Variants in CDC14B observed in about 807,000 individuals in gnomAD.
The protein encoded by CDC14B is cell division cycle 14B.
In CDC14B, 22 loss-of-function variants were observed where a neutral mutation model predicts 64.2. The observed-to-expected ratio is 0.34, with a 90% CI of 0.24 to 0.49. CDC14B has a LOEUF of 0.49. CDC14B is among the 20% of genes least tolerant of loss of function. The pLI is 0.99. For synonymous variants in CDC14B, 191 were observed against 215.8 expected (o/e 0.89, Z 1.01); for missense variants, 498 against 629.9 (o/e 0.79, Z 2.24).
intron 4 of CDC14B, among the ~76,000 whole-genome samples, chr9:96,555,951 T>TACA (rs1842450918): frequency 6.6e-6 from 1 of 152,036 alleles, no homozygotes; most frequent in Non-Finnish European, 1.5e-5. Flanking sequence ...GAACTAGCAG[T>TACA]GATGGAAGAA....
intron 1 of CDC14B, among the ~76,000 whole-genome samples, chr9:96,587,090 T>C (rs1845490503): frequency 1.3e-5 from 2 of 152,150 alleles, no homozygotes; most frequent in South Asian, 4.2e-4. Flanking sequence ...GGACAATCGC[T>C]TGAACCCAGG....
chr9:96,553,792 C>G (rs545550402), intron 4 of CDC14B, among the ~76,000 whole-genome samples: 8 of 152,146 alleles, frequency 5.3e-5, no homozygotes, highest in Non-Finnish European at 1.2e-4. Flanking sequence ...CTAACACTTA[C>G]CAGATAACAT....
chr9:96,545,749 C>T (rs1840726264), intron 5 of CDC14B, among the ~76,000 whole-genome samples: 1 of 151,610 alleles, frequency 6.6e-6, no homozygotes, highest in Admixed American at 6.6e-5. Context: ...TGGGGCACAG[C>T]CCCGCTCCAA....
intron 12 of CDC14B, among the ~76,000 whole-genome samples, chr9:96,521,163 G>A (rs1365747997): frequency 3.3e-5 from 5 of 152,054 alleles, no homozygotes; most frequent in African/African-American, 4.8e-5. Context: ...TCTGCCTCCC[G>A]GGTTCAAGCG....
intron 1 of CDC14B, among the ~76,000 whole-genome samples, chr9:96,585,576 T>C (rs1845411917): frequency 6.6e-6 from 1 of 152,152 alleles, no homozygotes; most frequent in South Asian, 2.1e-4. Flanking sequence ...GAAATACCAC[T>C]TCACACCCAT....
intron 13 of CDC14B, among the ~76,000 whole-genome samples, chr9:96,506,797 A>G (rs111534190): frequency 7.5e-4 from 114 of 152,326 alleles, no homozygotes; most frequent in African/African-American, 2.7e-3. Flanking sequence ...GCAGGAGTTC[A>G]GGTTACTAGA....
At chr9:96,548,295 C>T (rs1841287311) in intron 5 of CDC14B, among the ~76,000 whole-genome samples, 1 of 152,054 alleles carries the variant, frequency 6.6e-6, no homozygotes, top group Admixed American at 6.6e-5. Context: ...GCAAGCCCCA[C>T]ACACACAAAA....
At chr9:96,603,318 C>A (rs529154582) in intron 1 of CDC14B, among the ~76,000 whole-genome samples, 3 of 151,904 alleles carry the variant, frequency 2.0e-5, no homozygotes, top group African/African-American at 4.8e-5. Context: ...GAATTTTGAA[C>A]CTACATGCAT....
At chr9:96,532,723 GCC>G (rs1390888671) in intron 9 of CDC14B, among the ~76,000 whole-genome samples, 3 of 152,042 alleles carry the variant, frequency 2.0e-5, no homozygotes, top group African/African-American at 7.2e-5. Flanking sequence ...TGATTCTTCT[GCC>G]TGCTCAAATA....
chr9:96,569,683 G>T (rs28676884), intron 1 of CDC14B, among the ~76,000 whole-genome samples: 1,553 of 152,004 alleles, frequency 0.01, 25 homozygotes, highest in African/African-American at 0.035. Context: ...GGAGTGCAGT[G>T]GTGCAGTCTT....
chr9:96,583,370 T>TTTATTATTATTATTA (rs60483659), intron 1 of CDC14B, among the ~76,000 whole-genome samples: 24 of 139,092 alleles, frequency 1.7e-4, no homozygotes, highest in South Asian at 2.3e-4. Context: ...GTTGTATTTA[T>TTTATTATTATTATTA]TTATTATTAT....
chr9:96,607,620 T>C (rs1301973576), intron 1 of CDC14B, among the ~76,000 whole-genome samples: 1 of 152,044 alleles, frequency 6.6e-6, no homozygotes, highest in African/African-American at 2.4e-5. Context: ...AGACGGGGTT[T>C]CCCTGTGTTA....
At chr9:96,614,233 C>A (rs1264521855) in intron 1 of CDC14B, among the ~76,000 whole-genome samples, 2 of 151,572 alleles carry the variant, frequency 1.3e-5, no homozygotes, top group Non-Finnish European at 2.9e-5. Flanking sequence ...CAGAATTTTT[C>A]TTTTCTTTCT....
At position 96,619,798 on chromosome 9, in the gene CDC14B, G is replaced by T. The variant is rs922529828; in HGVS notation, c.-420C>A. The T allele has an allele frequency of 2.0e-5, 3 of 151,832 alleles. No homozygotes were observed. Among genetic ancestry groups the T allele is most frequent in the Non-Finnish European group, 4.4e-5 (3 of 67,864 alleles). 9.4% of individuals were successfully genotyped at this position (151,832 alleles called of 1,614,324 possible). A position where few individuals can be genotyped will look rare whatever the true frequency, so the allele number is the denominator to read the frequency against. On this transcript the variant is annotated 5_prime_UTR_variant, in exon 1 of 14. Transcript: ENST00000375241. ...TAGGCGCCGGGGCACAGCAGGACGC[G>T]GCTCGTGGGGACCCCAGGAGGGCTG...
At chr9:96,519,541 GC>G (rs1836326801) in intron 12 of CDC14B, among the ~76,000 whole-genome samples, 1 of 152,004 alleles carries the variant, frequency 6.6e-6, no homozygotes, top group Non-Finnish European at 1.5e-5. Context: ...TTCGAGACCA[GC>G]CTGGCCAACA....
chr9:96,556,818 A>G, intron 4 of CDC14B, among the ~76,000 whole-genome samples: 1 of 152,130 alleles, frequency 6.6e-6, no homozygotes, highest in East Asian at 1.9e-4. Context: ...AAAAACCCAC[A>G]ACTATTTATA....
chr9:96,596,633 G>C (rs138199264), intron 1 of CDC14B, among the ~76,000 whole-genome samples: 5 of 152,188 alleles, frequency 3.3e-5, no homozygotes, highest in East Asian at 3.9e-4. Flanking sequence ...GGCCAAGGAG[G>C]GGGGATTGCT....
At chr9:96,535,474 C>T (rs1460021576) in intron 7 of CDC14B, among the ~76,000 whole-genome samples, 27 of 152,050 alleles carry the variant, frequency 1.8e-4, no homozygotes, top group Non-Finnish European at 3.8e-4. Flanking sequence ...ATTGAGTTAC[C>T]ATTACTATTA....
At chr9:96,548,592 G>A (rs964165754) in intron 5 of CDC14B, among the ~76,000 whole-genome samples, 12 of 152,012 alleles carry the variant, frequency 7.9e-5, no homozygotes, top group African/African-American at 1.4e-4. Context: ...CAAGGTAGGC[G>A]GATCACTTCA....
Sources: allele counts gnomAD v4.1 joint callset (sites outside exome capture counted in the v4.1 genomes callset), GRCh38; gene constraint gnomAD v4.1.1; transcripts MANE v1.5; gene names NCBI Gene and HGNC (gene_info 2026-07-23, HGNC 2026-07-21).